SGCG: variants seen among roughly 807,000 people sequenced by gnomAD.
SGCG encodes gamma-sarcoglycan.
In SGCG, 26 loss-of-function variants were observed where a neutral mutation model predicts 29.3. That is an observed-to-expected ratio of 0.89 (90% CI 0.65 to 1.23). The LOEUF is 1.23. SGCG is among the 50% of genes most tolerant of loss of function. The pLI is 0.00. For synonymous variants in SGCG, 145 were observed against 129.7 expected (o/e 1.12, Z -0.80); for missense variants, 353 against 356.0 (o/e 0.99, Z 0.07).
chr13:23,286,129 TC>T (rs2137628783), intron 5 of SGCG, among the ~76,000 whole-genome samples: 1 of 152,294 alleles, frequency 6.6e-6, no homozygotes, highest in Admixed American at 6.5e-5. Context: ...TCCCAGCTGT[TC>T]CATTAAGTAA....
At chr13:23,265,966 A>C (rs1042048015) in intron 4 of SGCG, among the ~76,000 whole-genome samples, 1 of 152,184 alleles carries the variant, frequency 6.6e-6, no homozygotes, top group Non-Finnish European at 1.5e-5. Flanking sequence ...CTGCACACAC[A>C]TGTTTATCAC....
chr13:23,275,331 A>G (rs1271383519), intron 4 of SGCG, among the ~76,000 whole-genome samples: 1 of 151,922 alleles, frequency 6.6e-6, no homozygotes, highest in Non-Finnish European at 1.5e-5. Flanking sequence ...CCTGGGCAAC[A>G]TGGCAAAACT....
rs186174122 is a variant in SGCG at position 23,284,891 on chromosome 13, C to T, written c.505+5413C>T. Among the ~76,000 whole-genome samples the T allele has an allele frequency of 1.7e-3, 262 of 152,280 alleles. 2 individuals carry two copies. Among genetic ancestry groups the T allele is most frequent in the African/African-American group, 6.1e-3 (253 of 41,562 alleles). On this transcript the variant is annotated intron_variant, in intron 5 of 7. Transcript: ENST00000218867. ...TCTGCTGCAGGTCTGCTAGAGTTTG[C>T]TGGACGTCCACTCCAGCCCCTGTTT...
rs752669226 is a variant in SGCG, at chr13:23,203,751, G to C, written c.57G>C (p.Glu19Asp). The change falls in exon 2 of 8, where the codon GAG (glutamate) becomes GAC (aspartate). Residue 19 changes from glutamate to aspartate, a missense_variant. Physicochemically the swap from Glu to Asp is conservative, Grantham distance 45 (BLOSUM62 2). Coordinates refer to ENST00000218867, the MANE Select transcript of SGCG (RefSeq NM_000231.3). The part of the protein sequence containing the change: ...ATEGICIERP[E>D]NQYVYKIGIY... The stretch of plus-strand genomic sequence containing the variant: ...AAGGCATCTGCATAGAGAGGCCAGA[G>C]AATCAGTATGTCTACAAAATTGGCA... The C allele has an allele frequency of 1.2e-6, 2 of 1,614,098 alleles. No homozygotes were observed.
Position 23,302,093 on chromosome 13 carries a change from A to T in SGCG, c.578+6606A>T, listed in dbSNP as rs1882183610. ...GATATTTGATGCCCACCATCAAAGAACTGAAAAACATACAAACAAGCTCTT... is the reference window on the plus strand; with the variant it reads ...GATATTTGATGCCCACCATCAAAGATCTGAAAAACATACAAACAAGCTCTT... On this transcript the variant is annotated intron_variant, in intron 6 of 7. Transcript: ENST00000218867. Among the ~76,000 whole-genome samples the T allele has an allele frequency of 3.9e-5, 6 of 152,106 alleles. No homozygotes were observed. In the South Asian group the frequency reaches 1.2e-3, roughly 31 times the overall value.
chr13:23,234,500 A>G, intron 2 of SGCG, 111 bp from the exon 3 acceptor site: 1 of 746,896 alleles, frequency 1.3e-6, no homozygotes, highest in Non-Finnish European at 2.4e-6. Context: ...GAAATGCAGA[A>G]AAGGTGGTAG....
At chr13:23,247,884 C>G (rs1357936745) in intron 3 of SGCG, among the ~76,000 whole-genome samples, 1 of 148,540 alleles carries the variant, frequency 6.7e-6, no homozygotes. Context: ...CCACGAGTCT[C>G]AGGCTACAGT....
intron 6 of SGCG, among the ~76,000 whole-genome samples, chr13:23,314,926 G>A (rs904424838): frequency 6.6e-5 from 10 of 152,238 alleles, no homozygotes; most frequent in South Asian, 2.1e-4. Context: ...CCCATTTATC[G>A]AGTGACCCAA....
intron 2 of SGCG, among the ~76,000 whole-genome samples, chr13:23,233,317 A>C (rs565167459): frequency 3.9e-5 from 6 of 152,242 alleles, no homozygotes; most frequent in Non-Finnish European, 8.8e-5. Flanking sequence ...TCAGCCACAA[A>C]AAGATAAATA....
At chr13:23,215,798 G>GT (rs200637366) in intron 2 of SGCG, among the ~76,000 whole-genome samples, 17 of 125,554 alleles carry the variant, frequency 1.4e-4, no homozygotes, top group East Asian at 1.3e-3. Context: ...TAAGCTGAGA[G>GT]TTAAAAAAAA....
chr13:23,276,626 T>A (rs1178790272), intron 4 of SGCG, among the ~76,000 whole-genome samples: 1 of 152,062 alleles, frequency 6.6e-6, no homozygotes, highest in East Asian at 1.9e-4. Flanking sequence ...AGAAACGGGG[T>A]TTCACCGTGT....
At chr13:23,249,057 A>G (rs1879856245) in intron 3 of SGCG, among the ~76,000 whole-genome samples, 1 of 152,180 alleles carries the variant, frequency 6.6e-6, no homozygotes. Context: ...GAGGTAAAGA[A>G]CAGTTCACCT....
At chr13:23,207,805 C>G (rs1298281714) in intron 2 of SGCG, among the ~76,000 whole-genome samples, 1 of 152,084 alleles carries the variant, frequency 6.6e-6, no homozygotes, top group Non-Finnish European at 1.5e-5. Flanking sequence ...ACAACAAATA[C>G]TGGCGAGGGT....
At chr13:23,252,754 T>G (rs1880024147) in intron 4 of SGCG, among the ~76,000 whole-genome samples, 1 of 152,136 alleles carries the variant, frequency 6.6e-6, no homozygotes, top group Admixed American at 6.5e-5. Flanking sequence ...ATTCCTCTGT[T>G]TATCTTTTTG....
intron 6 of SGCG, among the ~76,000 whole-genome samples, chr13:23,316,828 C>T (rs1882832266): frequency 6.6e-6 from 1 of 152,184 alleles, no homozygotes; most frequent in Admixed American, 6.5e-5. Flanking sequence ...GCCACCTGGA[C>T]ACTTTGGGCT....
At chr13:23,170,966 A>G in the SGCG span, among the ~76,000 whole-genome samples, 2 of 152,226 alleles carry the variant, frequency 1.3e-5, no homozygotes, top group African/African-American at 2.4e-5. Flanking sequence ...AAGCTAAACT[A>G]TAAAGAAAAT....
intron 3 of SGCG, among the ~76,000 whole-genome samples, chr13:23,242,309 T>G (rs1879543263): frequency 6.6e-6 from 1 of 152,180 alleles, no homozygotes; most frequent in African/African-American, 2.4e-5. Flanking sequence ...GTACTTGCCC[T>G]CTAATCTACA....
At chr13:23,193,150 G>A (rs1565994321) in intron 1 of SGCG, among the ~76,000 whole-genome samples, 1 of 152,164 alleles carries the variant, frequency 6.6e-6, no homozygotes, top group Admixed American at 6.5e-5. Flanking sequence ...TCCCGGCAGT[G>A]GGAACAACGT....
At chr13:23,173,542 A>G in the SGCG span, among the ~76,000 whole-genome samples, 11 of 152,136 alleles carry the variant, frequency 7.2e-5, no homozygotes, top group Non-Finnish European at 1.5e-4. Context: ...CAGACTTCTG[A>G]TGTTCTCTGT....
Sources: allele counts gnomAD v4.1 joint callset (sites outside exome capture counted in the v4.1 genomes callset), GRCh38; gene constraint gnomAD v4.1.1; transcripts MANE v1.5; gene names NCBI Gene and HGNC (gene_info 2026-07-23, HGNC 2026-07-21).